Variants in SLC9A9 observed in about 807,000 individuals in gnomAD.
SLC9A9 encodes the protein sodium/hydrogen exchanger 9.
In SLC9A9, 62 loss-of-function variants were observed where a neutral mutation model predicts 77.8. That is an observed-to-expected ratio of 0.80 (90% CI 0.65 to 0.98). The LOEUF (loss-of-function observed/expected upper bound fraction) is 0.98, where lower values mean the gene tolerates loss of function less well. Ranked by LOEUF, SLC9A9 falls within the 50% of genes least tolerant of loss-of-function variation. The probability of loss-of-function intolerance (pLI) is 0.00; values close to 1 mark genes in which losing one functional copy is unlikely to be tolerated. For synonymous variants in SLC9A9, 320 were observed against 283.5 expected (o/e 1.13, Z -1.29); for missense variants, 775 against 774.9 (o/e 1.00, Z 0.00).
intron 8 of SLC9A9, among the ~76,000 whole-genome samples, chr3:143,554,593 A>C (rs1037913754): frequency 2.0e-5 from 3 of 152,174 alleles, no homozygotes; most frequent in African/African-American, 7.2e-5. Flanking sequence ...CCCTAGCAAT[A>C]ACGCTTCTTT....
At chr3:143,663,981 G>A (rs948850177) in intron 5 of SLC9A9, among the ~76,000 whole-genome samples, 2 of 151,920 alleles carry the variant, frequency 1.3e-5, no homozygotes, top group African/African-American at 2.4e-5. Context: ...TACAGAGAAC[G>A]CCACAAAGAT....
intron 5 of SLC9A9, among the ~76,000 whole-genome samples, chr3:143,661,946 C>A (rs2038985306): frequency 7.1e-6 from 1 of 141,750 alleles, no homozygotes; most frequent in Admixed American, 6.9e-5. Context: ...GATTCCCTAC[C>A]CACTAACTAG....
At chr3:143,688,937 G>T (rs973701718) in intron 5 of SLC9A9, among the ~76,000 whole-genome samples, 8 of 150,554 alleles carry the variant, frequency 5.3e-5, no homozygotes, top group Admixed American at 2.6e-4. Context: ...CTTATAAATA[G>T]AAAAAATATA....
chr3:143,791,466 A>G (rs1363025641), intron 4 of SLC9A9, among the ~76,000 whole-genome samples: 5 of 152,112 alleles, frequency 3.3e-5, no homozygotes, highest in African/African-American at 7.2e-5. Context: ...ATGTTCCACA[A>G]TCTCTCTCCA....
chr3:143,603,953 T>G (rs1381744562), intron 6 of SLC9A9, among the ~76,000 whole-genome samples: 1 of 152,218 alleles, frequency 6.6e-6, no homozygotes, highest in African/African-American at 2.4e-5. Flanking sequence ...AAGACTATAA[T>G]CAAGAACATT....
intron 4 of SLC9A9, among the ~76,000 whole-genome samples, chr3:143,765,726 G>T (rs1027450256): frequency 6.6e-6 from 1 of 152,078 alleles, no homozygotes; most frequent in Admixed American, 6.6e-5. Flanking sequence ...TTTTATTCAG[G>T]ATATATGGTG....
intron 5 of SLC9A9, among the ~76,000 whole-genome samples, chr3:143,677,692 C>T (rs186744724): frequency 4.6e-5 from 7 of 152,266 alleles, no homozygotes; most frequent in Non-Finnish European, 1.0e-4. Flanking sequence ...ATAATTGTTG[C>T]CAAACTGTTA....
At chr3:143,385,638 G>A (rs1483386434) in intron 12 of SLC9A9, among the ~76,000 whole-genome samples, 1 of 152,190 alleles carries the variant, frequency 6.6e-6, no homozygotes, top group African/African-American at 2.4e-5. Flanking sequence ...CCACTTTTGT[G>A]CACAAAAGAT....
chr3:143,410,624 T>C (rs2034078221), intron 12 of SLC9A9, among the ~76,000 whole-genome samples: 1 of 152,252 alleles, frequency 6.6e-6, no homozygotes, highest in Admixed American at 6.5e-5. Flanking sequence ...GAATTATTTC[T>C]ACCCTTTATC....
chr3:143,662,716 G>C (rs886745846), intron 5 of SLC9A9, among the ~76,000 whole-genome samples: 1 of 152,072 alleles, frequency 6.6e-6, no homozygotes. Context: ...ACAGCAGTCC[G>C]AGATGAAATT....
intron 14 of SLC9A9, among the ~76,000 whole-genome samples, chr3:143,277,819 G>A (rs1479663838): frequency 6.6e-6 from 1 of 152,172 alleles, no homozygotes; most frequent in African/African-American, 2.4e-5. Flanking sequence ...CTGACAATTT[G>A]TTGGAGAAAT....
At position 143,374,440 on chromosome 3, in the gene SLC9A9, A is replaced by G. The variant is rs1268993613; in HGVS notation, c.1524+7620T>C. Among the ~76,000 whole-genome samples, 242 of 150,462 alleles carry G rather than the reference A, an allele frequency of 1.6e-3. 1 individual carries two copies. Among genetic ancestry groups the G allele is most frequent in the East Asian group, 0.012 (63 of 5,144 alleles). On this transcript the variant is annotated intron_variant, in intron 13 of 15. Transcript: ENST00000316549. ...TCTGTCTCAAAAAAAAAAAAAAAAAAAAAAAAGAAAAAACATGGAGGCCAG... is the reference window on the plus strand; with the variant it reads ...TCTGTCTCAAAAAAAAAAAAAAAAAGAAAAAAGAAAAAACATGGAGGCCAG...
At chr3:143,353,634 C>T (rs910007090) in intron 14 of SLC9A9, among the ~76,000 whole-genome samples, 1 of 151,884 alleles carries the variant, frequency 6.6e-6, no homozygotes, top group Non-Finnish European at 1.5e-5. Context: ...CTTTTTTGCT[C>T]AGGACTTTGT....
At chr3:143,784,370 A>G (rs1364757679) in intron 4 of SLC9A9, among the ~76,000 whole-genome samples, 1 of 152,146 alleles carries the variant, frequency 6.6e-6, no homozygotes, top group Non-Finnish European at 1.5e-5. Context: ...ATTCACTATA[A>G]ACTGGTTCTG....
At chr3:143,664,884 T>G (rs2039038908) in intron 5 of SLC9A9, among the ~76,000 whole-genome samples, 1 of 152,312 alleles carries the variant, frequency 6.6e-6, no homozygotes, top group African/African-American at 2.4e-5. Context: ...ACAATAATAA[T>G]GGGAGACTTT....
chr3:143,323,146 AG>A (rs1180174164), intron 14 of SLC9A9, among the ~76,000 whole-genome samples: 1 of 152,226 alleles, frequency 6.6e-6, no homozygotes, highest in Non-Finnish European at 1.5e-5. Flanking sequence ...AAACTAGAAC[AG>A]CCACTGTGGA....
chr3:143,390,983 T>A (rs1301792585), intron 12 of SLC9A9, among the ~76,000 whole-genome samples: 2 of 152,126 alleles, frequency 1.3e-5, no homozygotes, highest in Non-Finnish European at 2.9e-5. Context: ...CCACCGCAGC[T>A]CAAGGAGGCC....
At chr3:143,744,734 T>C (rs563751315) in intron 4 of SLC9A9, among the ~76,000 whole-genome samples, 236 of 152,186 alleles carry the variant, frequency 1.6e-3, no homozygotes, top group Non-Finnish European at 3.1e-3. Flanking sequence ...CAGCTTTAAA[T>C]GTTTCCTGAA....
At chr3:143,844,084 G>C (rs954435709) in intron 1 of SLC9A9, among the ~76,000 whole-genome samples, 2 of 152,018 alleles carry the variant, frequency 1.3e-5, no homozygotes, top group African/African-American at 4.8e-5. Flanking sequence ...TTATATAATG[G>C]ATTATTTATA....
Sources: gnomAD v4.1 joint callset for allele counts (sites outside exome capture counted in the v4.1 genomes callset) on GRCh38, gnomAD v4.1.1 for gene constraint, MANE v1.5 for transcripts, NCBI Gene and HGNC (gene_info 2026-07-23, HGNC 2026-07-21) for gene names.